Variants in RBM47 observed in about 807,000 individuals in gnomAD.
The protein encoded by RBM47 is RNA binding motif protein 47.
A neutral mutation model predicts 47.1 loss-of-function variants in RBM47; 21 were observed. The observed-to-expected ratio is 0.45, with a 90% CI of 0.32 to 0.64. The LOEUF is 0.64. RBM47 is among the 30% of genes least tolerant of loss of function. The probability of loss-of-function intolerance (pLI) is 0.05; values close to 1 mark genes in which losing one functional copy is unlikely to be tolerated. For missense variants in RBM47, 708 were observed against 870.9 expected (o/e 0.81, Z 2.35); for synonymous variants, 375 against 361.7 (o/e 1.04, Z -0.42).
chr4:40,584,797 G>T (rs1209830141), intron 1 of RBM47, among the ~76,000 whole-genome samples: 6 of 152,116 alleles, frequency 3.9e-5, no homozygotes, highest in African/African-American at 1.4e-4. Flanking sequence ...ACTCAGTTGC[G>T]CCAGCCACAT....
intron 2 of RBM47, chr4:40,542,680 T>C (rs949687279): frequency 3.3e-5 from 5 of 152,072 alleles, no homozygotes; most frequent in African/African-American, 1.2e-4. Context: ...TAATTTTTTA[T>C]TTTCCAGTAG....
At chr4:40,458,276 C>T (rs984773498) in intron 3 of RBM47, among the ~76,000 whole-genome samples, 2 of 152,166 alleles carry the variant, frequency 1.3e-5, no homozygotes, top group African/African-American at 4.8e-5. Context: ...CTGACATAGT[C>T]AAACATTAGC....
intron 1 of RBM47, among the ~76,000 whole-genome samples, chr4:40,549,739 G>T (rs1479702439): frequency 6.6e-6 from 1 of 151,282 alleles, no homozygotes; most frequent in East Asian, 2.0e-4. Context: ...AGAGTGCAGT[G>T]GCGCAATCTC....
At chr4:40,447,422 T>C (rs935170243) in intron 3 of RBM47, among the ~76,000 whole-genome samples, 2 of 152,242 alleles carry the variant, frequency 1.3e-5, no homozygotes, top group Non-Finnish European at 2.9e-5. Context: ...ATTTGAATTC[T>C]CTTTTTAGCG....
chr4:40,617,573 T>C (rs1010573015), intron 1 of RBM47, among the ~76,000 whole-genome samples: 59 of 151,994 alleles, frequency 3.9e-4, no homozygotes, highest in African/African-American at 1.3e-3. Context: ...AATAAATAAA[T>C]ATGGCATTTA....
At chr4:40,489,220 A>T (rs1010873206) in intron 2 of RBM47, among the ~76,000 whole-genome samples, 11 of 152,232 alleles carry the variant, frequency 7.2e-5, no homozygotes, top group African/African-American at 2.4e-4. Context: ...GGGGGAATGG[A>T]GATAACAGTT....
intron 1 of RBM47, among the ~76,000 whole-genome samples, chr4:40,551,704 A>G (rs1729582232): frequency 6.8e-6 from 1 of 147,524 alleles, no homozygotes; most frequent in East Asian, 2.0e-4. Context: ...GTTGGAGTGC[A>G]GTGGTGGGAT....
chr4:40,603,129 C>T (rs540392079), intron 1 of RBM47, among the ~76,000 whole-genome samples: 2 of 152,298 alleles, frequency 1.3e-5, no homozygotes, highest in South Asian at 4.1e-4. Flanking sequence ...TCATCGCCCA[C>T]CAAAGGTTGA....
At chr4:40,568,480 A>G (rs1399594274) in intron 1 of RBM47, among the ~76,000 whole-genome samples, 1 of 149,724 alleles carries the variant, frequency 6.7e-6, no homozygotes, top group East Asian at 1.9e-4. Flanking sequence ...ATATTCTTGG[A>G]TAGGAAGACT....
chr4:40,437,065 C>T (rs1187353268), intron 4 of RBM47, among the ~76,000 whole-genome samples: 2 of 58,070 alleles, frequency 3.4e-5, no homozygotes, highest in Non-Finnish European at 5.7e-5. Flanking sequence ...CATGGTGAGA[C>T]CCTGTCTCAA....
At position 40,438,844 on chromosome 4, in the gene RBM47, C is replaced by T. The variant is rs749970256; in HGVS notation, c.50G>A (p.Gly17Glu). 2.0e-5 allele frequency: 31 copies of T among 1,558,386 alleles called. No individual in the cohort carries two copies. Among genetic ancestry groups the T allele is most frequent in the Non-Finnish European group, 2.6e-5 (30 of 1,157,874 alleles). The change falls in exon 4 of 7, where the codon GGG becomes GAG. Residue 17 changes from glycine to glutamate, a missense_variant. Gly to Glu is a moderately conservative substitution (Grantham distance 98). Coordinates refer to ENST00000295971, the MANE Select transcript of RBM47 (RefSeq NM_001098634.2). The stretch of plus-strand genomic sequence containing the variant: ...GCCCTCGGGCACCTTGGCGGAGGAC[C>T]CGGCGGCCGAGTCACTGCTCATGGC... Reference protein sequence around the residue: ...TAAMSSDSAAGSSAKVPEGVA... With the variant: ...TAAMSSDSAAESSAKVPEGVA...
chr4:40,488,938 TTAAA>T (rs1438644857), intron 2 of RBM47, among the ~76,000 whole-genome samples: 1 of 152,228 alleles, frequency 6.6e-6, no homozygotes, highest in Non-Finnish European at 1.5e-5. Context: ...CTTACAAAGA[TTAAA>T]TAAGTGTTCA....
At chr4:40,525,568 G>A (rs1056276038) in intron 2 of RBM47, among the ~76,000 whole-genome samples, 9 of 152,162 alleles carry the variant, frequency 5.9e-5, no homozygotes, top group African/African-American at 1.9e-4. Flanking sequence ...TCTAAAGGCA[G>A]TTGTGTATAC....
chr4:40,435,561 A>T (rs1436252441), intron 5 of RBM47, among the ~76,000 whole-genome samples: 1 of 151,960 alleles, frequency 6.6e-6, no homozygotes, highest in Non-Finnish European at 1.5e-5. Context: ...CAACAACAAA[A>T]CTTTCACCAC....
At chr4:40,565,690 C>T (rs144133344) in intron 1 of RBM47, among the ~76,000 whole-genome samples, 115 of 152,210 alleles carry the variant, frequency 7.6e-4, no homozygotes, top group Admixed American at 1.3e-3. Context: ...TGCTAGTCTC[C>T]CTAAGTCCCT....
chr4:40,614,550 T>C (rs961218627), intron 1 of RBM47, among the ~76,000 whole-genome samples: 1 of 152,042 alleles, frequency 6.6e-6, no homozygotes, highest in African/African-American at 2.4e-5. Flanking sequence ...TACAAGAGTC[T>C]TGGCCAGGGG....
intron 3 of RBM47, among the ~76,000 whole-genome samples, chr4:40,465,737 C>A (rs184963360): frequency 3.2e-4 from 48 of 151,652 alleles, no homozygotes; most frequent in Middle Eastern, 7.0e-3. Flanking sequence ...TGGCTCAGTC[C>A]TACTTGGAGA....
intron 3 of RBM47, among the ~76,000 whole-genome samples, chr4:40,452,343 G>T (rs149319583): frequency 7.9e-5 from 12 of 152,112 alleles, no homozygotes; most frequent in African/African-American, 2.9e-4. Flanking sequence ...AAGGGTCTAA[G>T]TCTCTCACTT....
At chr4:40,583,029 T>C (rs1191086437) in intron 1 of RBM47, among the ~76,000 whole-genome samples, 2 of 152,012 alleles carry the variant, frequency 1.3e-5, no homozygotes, top group African/African-American at 4.8e-5. Flanking sequence ...GTAGAGTAAG[T>C]GGAATGTGCG....
Sources: allele counts gnomAD v4.1 joint callset (sites outside exome capture counted in the v4.1 genomes callset), GRCh38; gene constraint gnomAD v4.1.1; transcripts MANE v1.5; gene names NCBI Gene and HGNC (gene_info 2026-07-23, HGNC 2026-07-21).